LRCH3: variants seen among roughly 807,000 people sequenced by gnomAD.
LRCH3 encodes the protein leucine rich repeats and calponin homology domain containing 3.
A neutral mutation model predicts 104.5 loss-of-function variants in LRCH3; 68 were observed. The ratio of observed to expected loss-of-function variants is 0.65; its 90% confidence interval spans 0.54 to 0.80. LRCH3 has a LOEUF of 0.80. Ranked by LOEUF, LRCH3 falls within the 30% of genes least tolerant of loss-of-function variation. The probability of loss-of-function intolerance (pLI) is 0.00; values close to 1 mark genes in which losing one functional copy is unlikely to be tolerated. For missense variants in LRCH3, 951 were observed against 953.9 expected (o/e 1.00, Z 0.04); for synonymous variants, 344 against 361.3 (o/e 0.95, Z 0.54).
intron 15 of LRCH3, among the ~76,000 whole-genome samples, chr3:197,864,709 CTTTTTTTTTT>C (rs11367873): frequency 7.5e-6 from 1 of 132,954 alleles, no homozygotes; most frequent in Non-Finnish European, 1.6e-5. Context: ...TCTTCTTCTT[CTTTTTTTTTT>C]TTTTTTTCCA....
intron 6 of LRCH3, 153 bp from the exon 7 acceptor site, chr3:197,830,617 T>G: frequency 1.7e-6 from 1 of 592,178 alleles, no homozygotes; most frequent in South Asian, 2.1e-5. Flanking sequence ...TGTTTCTATT[T>G]GGAATTTTTC....
At chr3:197,792,661 A>T (rs1313559176) in intron 1 of LRCH3, among the ~76,000 whole-genome samples, 60 of 124,590 alleles carry the variant, frequency 4.8e-4, no homozygotes, top group African/African-American at 1.7e-3. Context: ...ATATATATAT[A>T]TTTTTTCGAG....
intron 19 of LRCH3, among the ~76,000 whole-genome samples, chr3:197,872,654 C>T (rs553781737): frequency 4.6e-5 from 7 of 152,068 alleles, no homozygotes; most frequent in East Asian, 1.9e-4. Context: ...GTCAGGAGTT[C>T]GAGACCAGCC....
intron 1 of LRCH3, among the ~76,000 whole-genome samples, chr3:197,811,565 A>G (rs1733127433): frequency 6.6e-6 from 1 of 152,194 alleles, no homozygotes; most frequent in African/African-American, 2.4e-5. Context: ...AGGAGTTATT[A>G]GAAGAACACA....
chr3:197,817,163 C>T lies in LRCH3; in HGVS notation c.408-13C>T. 6.3e-7 allele frequency: 1 copy of T among 1,586,544 alleles called. No homozygotes were observed. Among genetic ancestry groups the T allele is most frequent in the Middle Eastern group, 1.7e-4 (1 of 5,984 alleles). On this transcript the variant is annotated splice_polypyrimidine_tract_variant and intron_variant, in intron 2 of 20. Transcript: ENST00000425562. The stretch of plus-strand genomic sequence containing the variant: ...GGACTCTGATTCTTCTCTCTTTCTA[C>T]TTACCCATTTAGTCGGAACCAACTG...
At chr3:197,816,491 G>A (rs759716743) in intron 2 of LRCH3, among the ~76,000 whole-genome samples, 33 of 152,126 alleles carry the variant, frequency 2.2e-4, no homozygotes, top group Admixed American at 1.2e-3. Context: ...TGTTGGCCAG[G>A]CTGGTCTCGA....
intron 10 of LRCH3, among the ~76,000 whole-genome samples, chr3:197,843,446 G>A (rs1738124947): frequency 6.6e-6 from 1 of 152,132 alleles, no homozygotes; most frequent in Admixed American, 6.5e-5. Flanking sequence ...ACTTTGGGAG[G>A]CCAAGGCAGG....
chr3:197,880,103 G>T (rs924553528), intron 20 of LRCH3, among the ~76,000 whole-genome samples: 14 of 149,302 alleles, frequency 9.4e-5, no homozygotes, highest in Admixed American at 3.3e-4. Context: ...CCGCCACCAC[G>T]CCCGGCTAAT....
At position 197,874,939 on chromosome 3, in the gene LRCH3, T is replaced by G. The variant is rs1712693508; in HGVS notation, c.2131-759T>G. 2.0e-5 allele frequency among the ~76,000 whole-genome samples: 3 copies of G among 151,924 alleles called. No homozygotes were observed. In the South Asian group the frequency reaches 6.2e-4, roughly 32 times the overall value. On this transcript the variant is annotated intron_variant, in intron 19 of 20. Transcript: ENST00000425562. ...GTTGCAACAGTTCTTTTTTTTTTTT[T>G]GAAATGGAGCTTTGTTCTTGTTGCC...
chr3:197,799,385 C>T (rs1400496133), intron 1 of LRCH3, among the ~76,000 whole-genome samples: 1 of 152,174 alleles, frequency 6.6e-6, no homozygotes, highest in East Asian at 1.9e-4. Flanking sequence ...ATATCAAATG[C>T]AGTGTGACTA....
Position 197,791,559 on chromosome 3 carries a change from G to T in LRCH3, c.262+19G>T. The T allele has an allele frequency of 6.6e-7, 1 of 1,521,538 alleles. No individual in the cohort carries two copies. 94.3% of individuals were successfully genotyped at this position (1,521,538 alleles called of 1,614,324 possible). The stretch of plus-strand genomic sequence containing the variant: ...CGGGCGGGTGAGCGGGGCGGGGGGC[G>T]TCTCTGCCCGTCGGAGACCCGGCGC... On this transcript the variant is annotated intron_variant, in intron 1 of 20. Transcript: ENST00000425562.
Position 197,830,106 on chromosome 3 carries a change from T to C in LRCH3, c.887+433T>C, listed in dbSNP as rs560981578. Among the ~76,000 whole-genome samples the C allele has an allele frequency of 5.3e-5, 8 of 152,352 alleles. No individual in the cohort carries two copies. The South Asian group carries it at 1.7e-3, about 32-fold the overall frequency. ...GCCGAAGGCAAGTCATTCCTACTTTTTGAGTTTCATTTTTTCTACAAGGAG... is the reference window on the plus strand; with the variant it reads ...GCCGAAGGCAAGTCATTCCTACTTTCTGAGTTTCATTTTTTCTACAAGGAG... On this transcript the variant is annotated intron_variant, in intron 6 of 20. Coordinates refer to ENST00000425562, the MANE Select transcript of LRCH3 (RefSeq NM_001365715.1).
At chr3:197,808,784 G>T (rs893929710) in intron 1 of LRCH3, among the ~76,000 whole-genome samples, 1 of 151,794 alleles carries the variant, frequency 6.6e-6, no homozygotes, top group African/African-American at 2.4e-5. Context: ...CATGCCTGTA[G>T]TCTCAGCTAC....
At chr3:197,811,182 A>G (rs945075018) in intron 1 of LRCH3, among the ~76,000 whole-genome samples, 2 of 152,208 alleles carry the variant, frequency 1.3e-5, no homozygotes, top group Non-Finnish European at 2.9e-5. Context: ...GGGACGCACC[A>G]TGAACAGTAT....
intron 5 of LRCH3, among the ~76,000 whole-genome samples, chr3:197,828,556 A>G (rs1258434896): frequency 1.3e-5 from 2 of 151,508 alleles, no homozygotes; most frequent in Admixed American, 6.6e-5. Context: ...CGTGTTAGCC[A>G]GAATGGTCTC....
At chr3:197,847,769 C>A in intron 11 of LRCH3, 103 bp from the exon 12 acceptor site, 1 of 952,432 alleles carries the variant, frequency 1.0e-6, no homozygotes, top group South Asian at 2.0e-5. Flanking sequence ...GACTTCAAAG[C>A]AAAAGTTGCA....
intron 20 of LRCH3, among the ~76,000 whole-genome samples, chr3:197,877,633 A>C (rs1713050198): frequency 6.6e-6 from 1 of 152,272 alleles, no homozygotes; most frequent in Admixed American, 6.5e-5. Context: ...CCACAGCATC[A>C]CATGTTACAA....
At chr3:197,843,645 C>T (rs1738157304) in intron 10 of LRCH3, among the ~76,000 whole-genome samples, 1 of 152,144 alleles carries the variant, frequency 6.6e-6, no homozygotes, top group Non-Finnish European at 1.5e-5. Context: ...GATTGTGCCC[C>T]TGCACGCCAG....
chr3:197,859,654 T>C (rs1333173604), intron 15 of LRCH3, among the ~76,000 whole-genome samples: 1 of 152,246 alleles, frequency 6.6e-6, no homozygotes, highest in Non-Finnish European at 1.5e-5. Flanking sequence ...AAATGATCAA[T>C]AATTCTCACT....
Sources: allele counts gnomAD v4.1 joint callset (sites outside exome capture counted in the v4.1 genomes callset), GRCh38; gene constraint gnomAD v4.1.1; transcripts MANE v1.5; gene names NCBI Gene and HGNC (gene_info 2026-07-23, HGNC 2026-07-21).